The following EXOC4 variants were observed in gnomAD, a reference collection of about 807,000 sequenced individuals.
EXOC4 encodes exocyst complex component 4.
In EXOC4, 71 loss-of-function variants were observed where a neutral mutation model predicts 107.2. That is an observed-to-expected ratio of 0.66 (90% confidence interval 0.55 to 0.81). The LOEUF is 0.81. Among genes scored for constraint, EXOC4 ranks in the 30% least tolerant of loss-of-function variants. The pLI, the probability that EXOC4 is intolerant of heterozygous loss-of-function variation, is 0.00. For synonymous variants in EXOC4, 456 were observed against 441.2 expected, an observed-to-expected ratio of 1.03 and a Z score of -0.42; for missense variants, 1,108 against 1,189.6, an observed-to-expected ratio of 0.93 and a Z score of 1.01.
At chr7:133,804,570 T>A (rs2151199502) in intron 10 of EXOC4, among the ~76,000 whole-genome samples, 1 of 152,188 alleles carries the variant, frequency 6.6e-6, no homozygotes, top group East Asian at 1.9e-4. Flanking sequence ...TGAAAAAGAG[T>A]GGAATAACCA....
chr7:133,792,553 C>CAAAAAAAAA (rs56408972), intron 10 of EXOC4, among the ~76,000 whole-genome samples: 2 of 73,598 alleles, frequency 2.7e-5, no homozygotes, highest in African/African-American at 5.7e-5. Context: ...ACCCTGTCTC[C>CAAAAAAAAA]AAAAAAAAAA....
At chr7:133,402,706 G>A (rs1797118043) in intron 7 of EXOC4, among the ~76,000 whole-genome samples, 1 of 151,978 alleles carries the variant, frequency 6.6e-6, no homozygotes, top group South Asian at 2.1e-4. Flanking sequence ...GTTTCACCTT[G>A]TTGGCCAGGC....
chr7:133,524,901 A>G (rs541337287), intron 9 of EXOC4, among the ~76,000 whole-genome samples: 1 of 152,252 alleles, frequency 6.6e-6, no homozygotes, highest in Non-Finnish European at 1.5e-5. Flanking sequence ...ATAAACTACT[A>G]TTTCAAGAAT....
chr7:134,068,564 A>G (rs1162799374), downstream of EXOC4, among the ~76,000 whole-genome samples: 1 of 152,168 alleles, frequency 6.6e-6, no homozygotes, highest in East Asian at 1.9e-4. Flanking sequence ...ATTTCTTCAT[A>G]GCAGTATGAA....
At chr7:133,874,301 T>C (rs930371871) in intron 11 of EXOC4, among the ~76,000 whole-genome samples, 7 of 152,206 alleles carry the variant, frequency 4.6e-5, no homozygotes. Flanking sequence ...CATGGAAAAG[T>C]CATATAAAGC....
At chr7:133,813,809 T>C (rs1203864012) in intron 10 of EXOC4, among the ~76,000 whole-genome samples, 2 of 152,154 alleles carry the variant, frequency 1.3e-5, no homozygotes, top group African/African-American at 2.4e-5. Context: ...AAGCTACTTT[T>C]TTCATTGTGA....
chr7:133,346,089 C>T (rs1165153834), intron 5 of EXOC4, among the ~76,000 whole-genome samples: 5 of 152,116 alleles, frequency 3.3e-5, no homozygotes, highest in Admixed American at 6.5e-5. Context: ...TAATTTTTCA[C>T]GGTGAAGGAA....
chr7:134,043,765 G>A (rs1170438441), intron 17 of EXOC4, among the ~76,000 whole-genome samples: 2 of 152,182 alleles, frequency 1.3e-5, no homozygotes, highest in Non-Finnish European at 2.9e-5. Context: ...CTCTCATGCA[G>A]CTGTGAATGT....
intron 11 of EXOC4, among the ~76,000 whole-genome samples, chr7:133,882,133 C>T (rs115382388): frequency 0.02 from 3,105 of 152,252 alleles, 104 homozygotes; most frequent in African/African-American, 0.067. Context: ...TACTTTCATT[C>T]GGCATTATGT....
At chr7:133,629,530 T>TTTTGTTTG (rs10699272) in intron 9 of EXOC4, among the ~76,000 whole-genome samples, 111,939 of 149,662 alleles carry the variant, frequency 0.75, 42,419 homozygotes, top group Admixed American at 0.8. Context: ...TTTTGTTTTG[T>TTTTGTTTG]TTTGTTTGTT....
chr7:133,859,498 C>T (rs909205130), intron 11 of EXOC4, among the ~76,000 whole-genome samples: 4 of 152,172 alleles, frequency 2.6e-5, no homozygotes, highest in African/African-American at 9.7e-5. Context: ...CCTGGCTTTC[C>T]ATTTGCTTTA....
chr7:134,005,271 G>A (rs1195669840), intron 16 of EXOC4, among the ~76,000 whole-genome samples, 181 bp downstream of exon 16: 4 of 152,122 alleles, frequency 2.6e-5, no homozygotes, highest in Admixed American at 6.6e-5. Flanking sequence ...CAATATGGCC[G>A]CCATCTGCTC....
intron 11 of EXOC4, among the ~76,000 whole-genome samples, chr7:133,846,421 ACG>A (rs1798128121): frequency 6.6e-6 from 1 of 152,082 alleles, no homozygotes; most frequent in South Asian, 2.1e-4. Flanking sequence ...CTTGCATCCC[ACG>A]GTTGGTACTC....
intron 9 of EXOC4, among the ~76,000 whole-genome samples, chr7:133,614,040 C>A (rs1487588474): frequency 6.6e-6 from 1 of 152,066 alleles, no homozygotes; most frequent in Non-Finnish European, 1.5e-5. Flanking sequence ...GCAGCTTCTG[C>A]CAACCAAGAG....
At chr7:133,836,975 C>G (rs981198211) in intron 11 of EXOC4, among the ~76,000 whole-genome samples, 2 of 152,170 alleles carry the variant, frequency 1.3e-5, no homozygotes, top group African/African-American at 2.4e-5. Flanking sequence ...GTCTGTTACA[C>G]TCTAGCCTCT....
intron 9 of EXOC4, among the ~76,000 whole-genome samples, chr7:133,581,614 C>T (rs1020780810): frequency 6.6e-6 from 1 of 151,256 alleles, no homozygotes; most frequent in Non-Finnish European, 1.5e-5. Context: ...AAAAATTAGC[C>T]GGGCGTGGTG....
At chr7:133,517,060 A>G (rs1246725260) in intron 9 of EXOC4, among the ~76,000 whole-genome samples, 1 of 152,148 alleles carries the variant, frequency 6.6e-6, no homozygotes, top group Admixed American at 6.5e-5. Flanking sequence ...TAATTTGGAC[A>G]ATGAGAGTAA....
chr7:134,077,174 T>G, the EXOC4 span, among the ~76,000 whole-genome samples: 1 of 151,586 alleles, frequency 6.6e-6, no homozygotes, highest in Non-Finnish European at 1.5e-5. Flanking sequence ...AGTGGGGGAG[T>G]TGAAGGTGGG....
chr7:134,089,919 G>T, the EXOC4 span, among the ~76,000 whole-genome samples: 46 of 152,242 alleles, frequency 3.0e-4, 1 homozygote, highest in African/African-American at 9.4e-4. Context: ...AAAAGTCAAA[G>T]AAGCAGTTTA....
Sources: gnomAD v4.1 joint callset for allele counts (sites outside exome capture counted in the v4.1 genomes callset) on GRCh38, gnomAD v4.1.1 for gene constraint, MANE v1.5 for transcripts, NCBI Gene and HGNC (gene_info 2026-07-23, HGNC 2026-07-21) for gene names.